Variants in ITPKB observed in about 807,000 individuals in gnomAD.
ITPKB encodes IP3 3-kinase B.
In ITPKB, 13 loss-of-function variants were observed where a neutral mutation model predicts 69.4. The observed-to-expected ratio is 0.19, with a 90% CI of 0.12 to 0.30. The LOEUF (loss-of-function observed/expected upper bound fraction) is 0.30, where lower values mean the gene tolerates loss of function less well. ITPKB is among the 10% of genes least tolerant of loss of function. The pLI is 1.00. For missense variants in ITPKB, 1,240 were observed against 1,250.5 expected, an observed-to-expected ratio of 0.99 and a Z score of 0.13; for synonymous variants, 584 against 513.7, an observed-to-expected ratio of 1.14 and a Z score of -1.85.
At chr1:226,635,257 G>C (rs1263261949) in intron 7 of ITPKB, among the ~76,000 whole-genome samples, 2 of 151,252 alleles carry the variant, frequency 1.3e-5, no homozygotes, top group Non-Finnish European at 2.9e-5. Context: ...GTCTTACTCT[G>C]TCGCCCCAGC....
At chr1:226,678,661 T>C (rs1218272525) in intron 2 of ITPKB, among the ~76,000 whole-genome samples, 4 of 152,236 alleles carry the variant, frequency 2.6e-5, no homozygotes, top group African/African-American at 9.6e-5. Flanking sequence ...GTGTTCATTA[T>C]TATTATCATT....
chr1:226,686,224 A>G (rs1020882546), intron 2 of ITPKB, among the ~76,000 whole-genome samples: 3 of 152,222 alleles, frequency 2.0e-5, no homozygotes, highest in Non-Finnish European at 4.4e-5. Flanking sequence ...TCACAGAAGC[A>G]TCTGCTCTTG....
chr1:226,684,529 A>G (rs2102776249), intron 2 of ITPKB, among the ~76,000 whole-genome samples: 1 of 152,292 alleles, frequency 6.6e-6, no homozygotes, highest in South Asian at 2.1e-4. Flanking sequence ...GGCAGTACAT[A>G]CAAACCTGAA....
chr1:226,674,290 C>T (rs1427535368), intron 2 of ITPKB, among the ~76,000 whole-genome samples: 2 of 152,174 alleles, frequency 1.3e-5, no homozygotes, highest in Admixed American at 6.5e-5. Flanking sequence ...ACCTCCAACT[C>T]CCAGGTTCAA....
chr1:226,690,229 C>G (rs1656315862), intron 2 of ITPKB, among the ~76,000 whole-genome samples: 1 of 152,198 alleles, frequency 6.6e-6, no homozygotes, highest in African/African-American at 2.4e-5. Context: ...TACACTCACA[C>G]CAACAGTGTA....
At chr1:226,704,427 G>C (rs1273250766) in intron 2 of ITPKB, among the ~76,000 whole-genome samples, 8 of 152,174 alleles carry the variant, frequency 5.3e-5, no homozygotes, top group Non-Finnish European at 1.0e-4. Context: ...CTGTAAAAAA[G>C]CTTCTCGTGT....
chr1:226,686,759 A>G (rs1656224925), intron 2 of ITPKB, among the ~76,000 whole-genome samples: 1 of 152,244 alleles, frequency 6.6e-6, no homozygotes, highest in South Asian at 2.1e-4. Context: ...AGGACATCCC[A>G]AAGGGTTTAG....
At chr1:226,646,541 C>G (rs1168950529) in intron 4 of ITPKB, among the ~76,000 whole-genome samples, 2 of 152,176 alleles carry the variant, frequency 1.3e-5, no homozygotes, top group Admixed American at 6.5e-5. Context: ...GAGCCCCTGT[C>G]AGGAACCTGG....
intron 2 of ITPKB, among the ~76,000 whole-genome samples, chr1:226,688,844 G>T (rs1656278810): frequency 6.6e-6 from 1 of 152,206 alleles, no homozygotes; most frequent in Non-Finnish European, 1.5e-5. Context: ...TGGGAATTGG[G>T]AGAAGGGTCC....
At position 226,725,296 on chromosome 1, in the gene ITPKB, G is replaced by T. The variant is rs572101802; in HGVS notation, c.1932+10231C>A. ...CTGCAGACAAGGGTATTAAATAAAT[G>T]CCTGCTATTTGGGCTGCCACTGGGT... On this transcript the variant is annotated intron_variant, in intron 2 of 7. Coordinates refer to ENST00000429204, the MANE Select transcript of ITPKB (RefSeq NM_002221.4). 3.7e-3 allele frequency among the ~76,000 whole-genome samples: 560 copies of T among 152,308 alleles called. 5 individuals are homozygous for T. Among genetic ancestry groups the T allele is most frequent in the African/African-American group, 0.013 (542 of 41,566 alleles).
chr1:226,638,315 A>G (rs1668881668), intron 6 of ITPKB, among the ~76,000 whole-genome samples: 1 of 152,206 alleles, frequency 6.6e-6, no homozygotes, highest in Non-Finnish European at 1.5e-5. Context: ...AGTCAGGCAC[A>G]TTCCCCCTGC....
At chr1:226,653,699 G>A (rs575332034) in intron 2 of ITPKB, among the ~76,000 whole-genome samples, 113 of 152,390 alleles carry the variant, frequency 7.4e-4, no homozygotes, top group Non-Finnish European at 1.1e-3. Context: ...CCCTGGGTAG[G>A]TAAAGGGCAG....
intron 2 of ITPKB, among the ~76,000 whole-genome samples, chr1:226,693,566 A>G (rs943408115): frequency 1.3e-5 from 2 of 152,186 alleles, no homozygotes; most frequent in South Asian, 2.1e-4. Flanking sequence ...AAAGTTTCAC[A>G]CAACAGTACT....
chr1:226,726,020 G>T (rs1215103409), intron 2 of ITPKB, among the ~76,000 whole-genome samples: 2 of 152,148 alleles, frequency 1.3e-5, no homozygotes, highest in African/African-American at 4.8e-5. Flanking sequence ...AAAAAGCAAA[G>T]TCATCGTACT....
intron 2 of ITPKB, among the ~76,000 whole-genome samples, chr1:226,717,589 CTTTTT>C (rs1657126155): frequency 6.6e-6 from 1 of 152,154 alleles, no homozygotes; most frequent in Admixed American, 6.5e-5. Context: ...CTTTGTTTTT[CTTTTT>C]ATTTCCAGGC....
rs1668871007 is a variant in ITPKB, at chr1:226,637,824, C to T, written c.2554-74G>A. On this transcript the variant is annotated intron_variant, in intron 6 of 7. Transcript: ENST00000429204. The surrounding 1 kb of genome is among the most constrained non-coding windows in gnomAD (Gnocchi z 4.3). ...CAGTGTCAGAACACCCATGCGGCCT[C>T]TAGTGGTCCCTCCCGTGAATGTGCT... 2.8e-6 allele frequency: 3 copies of T among 1,080,502 alleles called. No individual in the cohort carries two copies. The highest frequency in any genetic ancestry group is 2.6e-5 in the South Asian group (2 of 76,860). The allele number at this position is 1,080,502 out of a possible 1,614,324, so 66.9% of individuals were successfully genotyped here.
At position 226,703,519 on chromosome 1, in the gene ITPKB, TCCCGCGCGCGCTCTGCCCGCCG is replaced by T. The variant is rs1171168660; in HGVS notation, c.1932+31986_1932+32007del. Among the ~76,000 whole-genome samples, 57 of 151,992 alleles carry T rather than the reference TCCCGCGCGCGCTCTGCCCGCCG, an allele frequency of 3.8e-4. 1 individual carries two copies. Among genetic ancestry groups the T allele is most frequent in the Non-Finnish European group, 2.9e-5 (2 of 67,926 alleles). On this transcript the variant is annotated intron_variant, in intron 2 of 7. Coordinates refer to ENST00000429204, the MANE Select transcript of ITPKB (RefSeq NM_002221.4). The stretch of plus-strand genomic sequence containing the variant: ...TGCCCGGCCCCCACCTCCTCTCTCC[TCCCGCGCGCGCTCTGCCCGCCG>T]CCCACGCGCGGAAGCCCGCGGCCGG...
intron 2 of ITPKB, among the ~76,000 whole-genome samples, chr1:226,721,268 A>G (rs1657233185): frequency 6.8e-6 from 1 of 148,076 alleles, no homozygotes; most frequent in Non-Finnish European, 1.5e-5. Context: ...GAATCGCTTG[A>G]ACCCAGGAGG....
At position 226,675,168 on chromosome 1, in the gene ITPKB, G is replaced by C. The variant is rs1669705670; in HGVS notation, c.1933-26397C>G. On this transcript the variant is annotated intron_variant, in intron 2 of 7. Coordinates refer to ENST00000429204, the MANE Select transcript of ITPKB (RefSeq NM_002221.4). ...AAAAAAAAAAGGAACCAATGAGGTT[G>C]TCAGAAGGGGATACTCTGCTGTAAC... The C allele has an allele frequency of 2.0e-5, 3 of 146,674 alleles. No individual in the cohort carries two copies. In the South Asian group the frequency reaches 6.5e-4, roughly 32 times the overall value. 9.1% of individuals were successfully genotyped at this position (146,674 alleles called of 1,614,324 possible).
Sources: allele counts gnomAD v4.1 joint callset (sites outside exome capture counted in the v4.1 genomes callset), GRCh38; gene constraint gnomAD v4.1.1; non-coding constraint Gnocchi (gnomAD v3.1); transcripts MANE v1.5; gene names NCBI Gene and HGNC (gene_info 2026-07-23, HGNC 2026-07-21).